Variants in RAD23A observed in about 807,000 individuals in gnomAD.
The protein encoded by RAD23A is RAD23 nucleotide excision repair protein A.
In RAD23A, 16 loss-of-function variants were observed where a neutral mutation model predicts 44.8. The observed-to-expected ratio is 0.36, with a 90% CI of 0.24 to 0.54. RAD23A has a LOEUF of 0.54. Ranked by LOEUF, RAD23A falls within the 20% of genes least tolerant of loss-of-function variation. The pLI is 0.89. For synonymous variants in RAD23A, 217 were observed against 202.9 expected (o/e 1.07, Z -0.59); for missense variants, 380 against 483.3 (o/e 0.79, Z 2.00).
intron 1 of RAD23A, among the ~76,000 whole-genome samples, chr19:12,947,162 C>A (rs1568452394): frequency 6.6e-6 from 1 of 152,210 alleles, no homozygotes; most frequent in Non-Finnish European, 1.5e-5. Flanking sequence ...GTGGCTCATG[C>A]CTCTAATCCT....
At position 12,945,891 on chromosome 19, in the gene RAD23A, G is replaced by C. The variant is rs546743312; in HGVS notation, c.-58G>C. On this transcript the variant is annotated 5_prime_UTR_variant, in exon 1 of 9. Transcript: ENST00000586534. ...CGCGCCTGGGCGCTAAGATGGCGGC[G>C]GCGTGAGTTGCATGTTGTGTGAGGA... is the stretch of plus-strand genomic sequence containing the variant. 31 of 1,565,068 alleles carry C rather than the reference G, an allele frequency of 2.0e-5. No individual in the cohort carries two copies. In the South Asian group the frequency reaches 2.8e-4, roughly 14 times the overall value.
chr19:12,949,363 C>T lies in RAD23A; in HGVS notation c.768C>T (p.Pro256=), dbSNP rs142462946. The part of the protein sequence containing the change: ...QVIQQNPALL[P]ALLQQLGQEN... ...TTCAGCAGAACCCTGCGCTGCTGCC[C>T]GCCCTGCTCCAGCAGCTGGGCCAGG... Residue 256 remains proline, a synonymous_variant, in exon 7 of 9, where the codon CCC becomes CCT. Coordinates refer to ENST00000586534, the MANE Select transcript of RAD23A (RefSeq NM_005053.4). 593 of 1,614,032 alleles carry T rather than the reference C, an allele frequency of 3.7e-4. No individual in the cohort carries two copies. The highest frequency in any genetic ancestry group is 4.8e-4 in the Non-Finnish European group (570 of 1,179,902).
rs760340919 is a variant in RAD23A, at chr19:12,952,851, A to C, written c.976A>C (p.Arg326=). 2.5e-6 allele frequency: 4 copies of C among 1,602,544 alleles called. No individual in the cohort carries two copies. The highest frequency in any genetic ancestry group is 3.4e-6 in the Non-Finnish European group (4 of 1,173,350). The change falls in exon 8 of 9, where the codon AGG becomes CGG. Residue 326 remains arginine (R), a splice_region_variant and synonymous_variant. Coordinates refer to ENST00000586534, the MANE Select transcript of RAD23A (RefSeq NM_005053.4). ...GCCGCAGGAGAAAGAAGCTATAGAG[A>C]GGGTAAGAGGCCTGGCTGAGGGGTG... ...VTPQEKEAIE[R]LKALGFPESL... is the part of the protein sequence containing the mutation.
rs1301212877 is a variant in RAD23A at position 12,948,347 on chromosome 19, G to A, written c.405G>A (p.Glu135=). The change falls in exon 3 of 9, where the codon GAG becomes GAA. Residue 135 remains glutamate, a synonymous_variant. Transcript: ENST00000586534. The surrounding 1 kb of genome is among the most constrained non-coding windows in gnomAD (Gnocchi z 5.5). ...SEESAPTTSP[E]SVSGSVPSSG... is the part of the protein sequence containing the mutation. ...AATCCGCCCCCACGACGTCCCCAGA[G>A]TCTGTGTCAGGGTAAGGCGGGGGCA... 6.3e-7 allele frequency: 1 copy of A among 1,590,862 alleles called. No homozygotes were observed. Among genetic ancestry groups the A allele is most frequent in the Non-Finnish European group, 8.6e-7 (1 of 1,167,168 alleles).
chr19:12,949,013 C>A, intron 5 of RAD23A, 68 bp from the exon 6 acceptor site: 1 of 1,567,162 alleles, frequency 6.4e-7, no homozygotes. Context: ...CATCTGTGTC[C>A]TGCCAGGGCA....
intron 1 of RAD23A, 141 bp downstream of exon 1, chr19:12,946,161 T>G: frequency 2.5e-6 from 2 of 787,558 alleles, no homozygotes; most frequent in Non-Finnish European, 3.8e-6. Context: ...TGCCCGACTT[T>G]CCTGGACCCC....
intron 7 of RAD23A, chr19:12,952,477 C>G: frequency 1.8e-6 from 1 of 558,686 alleles, no homozygotes; most frequent in East Asian, 3.4e-5. Flanking sequence ...CAGGTGTGAG[C>G]CACCGTGCCC....
At position 12,945,901 on chromosome 19, in the gene RAD23A, G is replaced by C; in HGVS notation, c.-48G>C. The C allele has an allele frequency of 6.3e-7, 1 of 1,588,124 alleles. No individual in the cohort carries two copies. The highest frequency in any genetic ancestry group is 8.6e-7 in the Non-Finnish European group (1 of 1,163,302). On this transcript the variant is annotated 5_prime_UTR_variant, in exon 1 of 9. Transcript: ENST00000586534. Reference sequence around the variant, plus strand: ...CGCTAAGATGGCGGCGGCGTGAGTTGCATGTTGTGTGAGGATCCCGGGGCC... The same window carrying C: ...CGCTAAGATGGCGGCGGCGTGAGTTCCATGTTGTGTGAGGATCCCGGGGCC...
In RAD23A at chr19:12,949,151, C is replaced by G; in HGVS notation, c.671C>G (p.Thr224Arg). The G allele has an allele frequency of 6.2e-7, 1 of 1,614,060 alleles. No homozygotes were observed. Among genetic ancestry groups the G allele is most frequent in the Non-Finnish European group, 8.5e-7 (1 of 1,179,944 alleles). Residue 224 changes from threonine to arginine, a missense_variant, in exon 6 of 9, where the codon ACG becomes AGG. Around this residue, in one of 3 missense-constraint regions of RAD23A, gnomAD observed 279 missense variants for 313.7 expected, o/e 0.89. Coordinates refer to ENST00000586534, the MANE Select transcript of RAD23A (RefSeq NM_005053.4). Reference protein sequence around the residue: ...QESQVSEQPATEAAGENPLEF... With the variant: ...QESQVSEQPAREAAGENPLEF... ...AGCCAGGTATCGGAGCAGCCGGCCACGGAAGCAGGTGGGTGTGCACATGCC... is the reference window on the plus strand; with the variant it reads ...AGCCAGGTATCGGAGCAGCCGGCCAGGGAAGCAGGTGGGTGTGCACATGCC...
chr19:12,949,967 C>T (rs2146037671), intron 7 of RAD23A, among the ~76,000 whole-genome samples: 1 of 152,026 alleles, frequency 6.6e-6, no homozygotes, highest in East Asian at 1.9e-4. Context: ...TCTGACCCTT[C>T]TCCTCTCACT....
intron 7 of RAD23A, among the ~76,000 whole-genome samples, chr19:12,949,740 T>C (rs1210277821): frequency 2.6e-5 from 4 of 152,150 alleles, no homozygotes; most frequent in Non-Finnish European, 5.9e-5. Context: ...GGGCTCTGGC[T>C]TCACATACAG....
At position 12,948,707 on chromosome 19, in the gene RAD23A, C is replaced by A; in HGVS notation, c.494C>A (p.Thr165Lys). The A allele has an allele frequency of 6.2e-7, 1 of 1,613,096 alleles. No individual in the cohort carries two copies. The highest frequency in any genetic ancestry group is 2.2e-5 in the East Asian group (1 of 44,872). ...STLVTGSEYE[T>K]MLTEIMSMGY... ...ACAGTGACGGGCTCTGAGTATGAGA[C>A]GATGCTGACGGAGATCATGTCCATG... is the stretch of plus-strand genomic sequence containing the variant. The change falls in exon 5 of 9, where the codon ACG (threonine) becomes AAG (lysine). Residue 165 changes from threonine to lysine, a missense_variant. This residue lies in a region of RAD23A where 279 missense variants were observed against 313.7 expected (regional missense o/e 0.89). Transcript: ENST00000586534. The surrounding 1 kb of genome is among the most constrained non-coding windows in gnomAD (Gnocchi z 5.5).
At position 12,952,282 on chromosome 19, in the gene RAD23A, C is replaced by T. The variant is rs550988964; in HGVS notation, c.814-407C>T. 1.5e-3 allele frequency: 255 copies of T among 172,030 alleles called. 1 individual carries two copies. Among genetic ancestry groups the T allele is most frequent in the African/African-American group, 5.7e-3 (236 of 41,710 alleles). The allele number at this position is 172,030 out of a possible 1,614,324, so 10.7% of individuals were successfully genotyped here. The stretch of plus-strand genomic sequence containing the variant: ...GAGTTCAGTGGCTTACTGCAGCCTC[C>T]GCCTCCTGGGTTCAGTCTTATGCCT... On this transcript the variant is annotated intron_variant, in intron 7 of 8. Coordinates refer to ENST00000586534, the MANE Select transcript of RAD23A (RefSeq NM_005053.4).
In RAD23A at chr19:12,952,787, A is replaced by G. The variant is rs2146045739; in HGVS notation, c.912A>G (p.Ile304Met). The change falls in exon 8 of 9, where the codon ATA becomes ATG. Residue 304 changes from isoleucine (I) to methionine (M), a missense_variant. Physicochemically the swap from Ile to Met is conservative, Grantham distance 10. Coordinates refer to ENST00000586534, the MANE Select transcript of RAD23A (RefSeq NM_005053.4). ...ATGTGGAGGGGGAGGTGGGCGCCAT[A>G]GGAGAGGAGGCCCCGCAGATGAACT... ...ISDVEGEVGA[I>M]GEEAPQMNYI... 1 of 1,612,780 alleles carries G rather than the reference A, an allele frequency of 6.2e-7. No homozygotes were observed. Among genetic ancestry groups the G allele is most frequent in the Non-Finnish European group, 8.5e-7 (1 of 1,179,520 alleles).
At position 12,948,286 on chromosome 19, in the gene RAD23A, C is replaced by T. The variant is rs765900414; in HGVS notation, c.344C>T (p.Pro115Leu). The T allele has an allele frequency of 1.2e-6, 2 of 1,613,284 alleles. No homozygotes were observed. Among genetic ancestry groups the T allele is most frequent in the African/African-American group, 2.7e-5 (2 of 74,876 alleles). Residue 115 changes from proline (P) to leucine (L), a missense_variant, in exon 3 of 9, where the codon CCA becomes CTA. Physicochemically the swap from Pro to Leu is moderately conservative, Grantham distance 98. Coordinates refer to ENST00000586534, the MANE Select transcript of RAD23A (RefSeq NM_005053.4). This position sits in a 1 kb window ranked among gnomAD's most constrained non-coding sequence, Gnocchi z 5.5. The stretch of plus-strand genomic sequence containing the variant: ...CCCACCTCAGGCATGTCCCATCCCC[C>T]ACCTGCCGCCAGAGAGGACAAGAGC... ...PAPTSGMSHP[P>L]PAAREDKSPS...
chr19:12,947,699 A>C, intron 1 of RAD23A, 149 bp from the exon 2 acceptor site: 1 of 718,772 alleles, frequency 1.4e-6, no homozygotes, highest in Admixed American at 2.4e-5. Context: ...GAATGAATTC[A>C]AATCTAGCAT....
chr19:12,952,149 CA>C (rs2146043754), intron 7 of RAD23A, among the ~76,000 whole-genome samples: 1 of 152,256 alleles, frequency 6.6e-6, no homozygotes, highest in South Asian at 2.1e-4. Flanking sequence ...TCTCGAACTC[CA>C]GGCTGGTCTA....
At position 12,945,975 on chromosome 19, in the gene RAD23A, G is replaced by A; in HGVS notation, c.27G>A (p.Thr9=). The change falls in exon 1 of 9, where the codon ACG becomes ACA. Residue 9 remains threonine, a synonymous_variant. Transcript: ENST00000586534. MAVTITLK[T]LQQQTFKIRM... ...TGGCCGTCACCATCACGCTCAAAACGCTGCAGCAGCAGACCTTCAAGATCC... is the reference window on the plus strand; with the variant it reads ...TGGCCGTCACCATCACGCTCAAAACACTGCAGCAGCAGACCTTCAAGATCC... 2 of 1,607,692 alleles carry A rather than the reference G, an allele frequency of 1.2e-6. No individual in the cohort carries two copies. Among genetic ancestry groups the A allele is most frequent in the Non-Finnish European group, 1.7e-6 (2 of 1,177,960 alleles).
At chr19:12,949,810 G>C (rs1251017880) in intron 7 of RAD23A, among the ~76,000 whole-genome samples, 1 of 152,096 alleles carries the variant, frequency 6.6e-6, no homozygotes, top group Non-Finnish European at 1.5e-5. Flanking sequence ...CTGTGCCCCA[G>C]TTGGCTCTGG....
Sources: gnomAD v4.1 joint callset for allele counts (sites outside exome capture counted in the v4.1 genomes callset) on GRCh38, gnomAD v4.1.1 for gene constraint, gnomAD v4.1.1 regional missense constraint, Gnocchi (gnomAD v3.1) non-coding constraint, MANE v1.5 for transcripts, NCBI Gene and HGNC (gene_info 2026-07-23, HGNC 2026-07-21) for gene names.